The following SULT1B1 variants were observed in gnomAD, a reference collection of about 807,000 sequenced individuals.
SULT1B1 encodes the protein sulfotransferase family 1B member 1, also known as sulfotransferase 1B1.
SULT1B1 carries 28 observed loss-of-function variants against 34.6 expected under a neutral mutation model. The ratio of observed to expected loss-of-function variants is 0.81; its 90% confidence interval spans 0.60 to 1.11. The LOEUF is 1.11. Ranked by LOEUF, SULT1B1 falls within the 50% of genes least tolerant of loss-of-function variation. The pLI, the probability that SULT1B1 is intolerant of heterozygous loss-of-function variation, is 0.00. For synonymous variants in SULT1B1, 147 were observed against 110.2 expected (o/e 1.33, Z -2.09); for missense variants, 374 against 352.2 (o/e 1.06, Z -0.50).
At chr4:69,756,689 A>T (rs1319849732) in intron 1 of SULT1B1, among the ~76,000 whole-genome samples, 1 of 152,126 alleles carries the variant, frequency 6.6e-6, no homozygotes, top group Non-Finnish European at 1.5e-5. Flanking sequence ...ACTAGAGCTA[A>T]ACCATCAGCT....
At chr4:69,740,508 C>G (rs1190445330) in intron 4 of SULT1B1, among the ~76,000 whole-genome samples, 1 of 152,202 alleles carries the variant, frequency 6.6e-6, no homozygotes, top group Non-Finnish European at 1.5e-5. Context: ...CCACCTGGTC[C>G]TGCCCTTGTC....
chr4:69,739,225 G>C (rs1287425070), intron 4 of SULT1B1, among the ~76,000 whole-genome samples: 1 of 152,208 alleles, frequency 6.6e-6, no homozygotes, highest in African/African-American at 2.4e-5. Flanking sequence ...TAGGGACTCT[G>C]TGTGGGGGCT....
rs1275388634 is a variant in SULT1B1, at chr4:69,724,711, A to G, written c.*2377T>C. The G allele has an allele frequency of 2.6e-5, 4 of 152,234 alleles. No individual in the cohort carries two copies. The highest frequency in any genetic ancestry group is 5.9e-5 in the Non-Finnish European group (4 of 68,076). The allele number at this position is 152,234 out of a possible 1,614,324, so 9.4% of individuals were successfully genotyped here. On this transcript the variant is annotated 3_prime_UTR_variant, in exon 8 of 8. Transcript: ENST00000310613. ...GAACAGAACAGAGCCCTCAGAAATA[A>G]TACTACACATCTACAATTATCTGAT... is the stretch of plus-strand genomic sequence containing the variant.
chr4:69,753,149 A>G (rs1719044881), intron 3 of SULT1B1, among the ~76,000 whole-genome samples: 1 of 152,180 alleles, frequency 6.6e-6, no homozygotes, highest in African/African-American at 2.4e-5. Flanking sequence ...CTCCAATGTC[A>G]CAAAGCTAAC....
intron 6 of SULT1B1, among the ~76,000 whole-genome samples, chr4:69,733,173 G>T (rs1198948875): frequency 2.6e-5 from 4 of 152,118 alleles, no homozygotes; most frequent in Non-Finnish European, 1.5e-5. Flanking sequence ...GGAAATAATT[G>T]CAGAAGAAAG....
chr4:69,744,535 G>A (rs986106587), intron 4 of SULT1B1, among the ~76,000 whole-genome samples: 1 of 152,214 alleles, frequency 6.6e-6, no homozygotes, highest in African/African-American at 2.4e-5. Flanking sequence ...CTATAAAGGT[G>A]TTCCTAGCAG....
intron 7 of SULT1B1, among the ~76,000 whole-genome samples, chr4:69,729,895 T>C (rs1349656198): frequency 6.6e-6 from 1 of 152,134 alleles, no homozygotes; most frequent in Non-Finnish European, 1.5e-5. Flanking sequence ...ATATTATGTG[T>C]AATAAGCCAC....
At chr4:69,759,603 A>T (rs965610140) in intron 1 of SULT1B1, among the ~76,000 whole-genome samples, 2 of 152,210 alleles carry the variant, frequency 1.3e-5, no homozygotes, top group African/African-American at 4.8e-5. Context: ...CCAGTGGATA[A>T]ATGATGAGTT....
intron 3 of SULT1B1, 144 bp downstream of exon 3, chr4:69,754,526 T>C: frequency 2.8e-6 from 2 of 707,972 alleles, no homozygotes; most frequent in Non-Finnish European, 4.5e-6. Flanking sequence ...AAGTTTCTTC[T>C]TATTCTTCAG....
intron 3 of SULT1B1, among the ~76,000 whole-genome samples, chr4:69,753,564 A>G (rs978522074): frequency 3.9e-5 from 6 of 151,984 alleles, no homozygotes; most frequent in Admixed American, 3.9e-4. Context: ...TCCTTCTTTC[A>G]TGGATCATTT....
At chr4:69,740,585 T>C (rs1718508411) in intron 4 of SULT1B1, among the ~76,000 whole-genome samples, 1 of 152,176 alleles carries the variant, frequency 6.6e-6, no homozygotes, top group East Asian at 1.9e-4. Context: ...ATATTAGGCA[T>C]CTAGGTTGAT....
In SULT1B1 at chr4:69,725,654, A is replaced by T. The variant is rs1717804290; in HGVS notation, c.*1434T>A. 1 of 152,152 alleles carries T rather than the reference A, an allele frequency of 6.6e-6. No homozygotes were observed. Among genetic ancestry groups the T allele is most frequent in the South Asian group, 2.1e-4 (1 of 4,828 alleles). The allele number at this position is 152,152 out of a possible 1,614,324, so 9.4% of individuals were successfully genotyped here. On this transcript the variant is annotated 3_prime_UTR_variant, in exon 8 of 8. Transcript: ENST00000310613. Reference sequence around the variant, plus strand: ...CATCAATGATAGACTGGATTAAGAAAATGTGGCACATATACACCATAGAAT... The same window carrying T: ...CATCAATGATAGACTGGATTAAGAATATGTGGCACATATACACCATAGAAT...
chr4:69,753,326 AAT>A (rs1253808783), intron 3 of SULT1B1, among the ~76,000 whole-genome samples: 1 of 152,116 alleles, frequency 6.6e-6, no homozygotes, highest in Non-Finnish European at 1.5e-5. Flanking sequence ...ACAAGTCACA[AAT>A]ATGTCTTATC....
At chr4:69,747,019 C>T (rs148081273) in intron 4 of SULT1B1, among the ~76,000 whole-genome samples, 3 of 152,262 alleles carry the variant, frequency 2.0e-5, no homozygotes, top group East Asian at 1.9e-4. Flanking sequence ...GGGGCTAGAG[C>T]GAGAACCTTT....
chr4:69,734,957 TAC>T (rs1180289232), intron 4 of SULT1B1, among the ~76,000 whole-genome samples: 1 of 151,828 alleles, frequency 6.6e-6, no homozygotes, highest in East Asian at 1.9e-4. Context: ...TAGCTGTGAC[TAC>T]AGGCGCCCGC....
At chr4:69,758,572 C>T in intron 1 of SULT1B1, 1 of 652,674 alleles carries the variant, frequency 1.5e-6, no homozygotes, top group Non-Finnish European at 1.9e-6. Context: ...AGTCTCTATT[C>T]ATCGGCTCCA....
At chr4:69,746,969 G>T (rs531936597) in intron 4 of SULT1B1, among the ~76,000 whole-genome samples, 8 of 152,256 alleles carry the variant, frequency 5.3e-5, no homozygotes, top group Non-Finnish European at 1.0e-4. Flanking sequence ...GGGGACCAAG[G>T]CTTAATTCAG....
In SULT1B1 at chr4:69,725,494, C is replaced by T. The variant is rs928939096; in HGVS notation, c.*1594G>A. The T allele has an allele frequency of 5.9e-5, 9 of 152,088 alleles. No homozygotes were observed. Among genetic ancestry groups the T allele is most frequent in the African/African-American group, 2.2e-4 (9 of 41,406 alleles). The allele number at this position is 152,088 out of a possible 1,614,324, so 9.4% of individuals were successfully genotyped here. A position where few individuals can be genotyped will look rare whatever the true frequency, so the allele number is the denominator to read the frequency against. ...CTCAGAGATCTAGAACTAGAAATAC[C>T]ATTTGACCCAGCCATCCCATTACTG... On this transcript the variant is annotated 3_prime_UTR_variant, in exon 8 of 8. Coordinates refer to ENST00000310613, the MANE Select transcript of SULT1B1 (RefSeq NM_014465.4).
intron 4 of SULT1B1, among the ~76,000 whole-genome samples, chr4:69,741,780 G>A (rs558708201): frequency 6.6e-6 from 1 of 152,094 alleles, no homozygotes; most frequent in South Asian, 2.1e-4. Flanking sequence ...GGTGCTTTTG[G>A]GCAGAAACTG....
Sources: allele counts gnomAD v4.1 joint callset (sites outside exome capture counted in the v4.1 genomes callset), GRCh38; gene constraint gnomAD v4.1.1; transcripts MANE v1.5; gene names NCBI Gene and HGNC (gene_info 2026-07-23, HGNC 2026-07-21).